KIF13A: variants seen among roughly 807,000 people sequenced by gnomAD.
KIF13A encodes kinesin family member 13A.
In KIF13A, 79 loss-of-function variants were observed where a neutral mutation model predicts 212.2. The ratio of observed to expected loss-of-function variants is 0.37; its 90% CI spans 0.31 to 0.45. The LOEUF (loss-of-function observed/expected upper bound fraction) is 0.45. Ranked by LOEUF, KIF13A falls within the 20% of genes least tolerant of loss-of-function variation. The pLI is 1.00. For synonymous variants in KIF13A, 789 were observed against 808.6 expected, an observed-to-expected ratio of 0.98 and a Z score of 0.41; for missense variants, 1,901 against 2,209.0, an observed-to-expected ratio of 0.86 and a Z score of 2.79.
In KIF13A at chr6:17,971,196, T is replaced by C. The variant is rs1415298827; in HGVS notation, c.146+15858A>G. ...AGAACTCCAATAGCTGATGTACTATTAGACATCGCACACACCAGGGACACC... is the reference window on the plus strand; with the variant it reads ...AGAACTCCAATAGCTGATGTACTATCAGACATCGCACACACCAGGGACACC... On this transcript the variant is annotated intron_variant, in intron 2 of 38. Coordinates refer to ENST00000259711, the MANE Select transcript of KIF13A (RefSeq NM_022113.6). This position sits in a 1 kb window ranked among gnomAD's most constrained non-coding sequence, Gnocchi z 4.2. Among the ~76,000 whole-genome samples the C allele has an allele frequency of 6.6e-6, 1 of 152,148 alleles. No individual in the cohort carries two copies. Among genetic ancestry groups the C allele is most frequent in the Admixed American group, 6.5e-5 (1 of 15,274 alleles).
chr6:17,842,726 T>TA lies in KIF13A; in HGVS notation c.831-5144_831-5143insT, dbSNP rs1235814204. Among the ~76,000 whole-genome samples, 759 of 151,980 alleles carry TA rather than the reference T, an allele frequency of 5.0e-3. 6 individuals are homozygous for TA. Among genetic ancestry groups the TA allele is most frequent in the Middle Eastern group, 0.014 (4 of 294 alleles). On this transcript the variant is annotated intron_variant, in intron 9 of 38. Coordinates refer to ENST00000259711, the MANE Select transcript of KIF13A (RefSeq NM_022113.6). Reference sequence around the variant, plus strand: ...GTCATGTTTTAAGATAGAATTTTTTTTAAAAAAATCTATCAATCATAATGA... The same window carrying TA: ...GTCATGTTTTAAGATAGAATTTTTTTATAAAAAAATCTATCAATCATAATGA...
intron 2 of KIF13A, among the ~76,000 whole-genome samples, 195 bp downstream of exon 2, chr6:17,986,859 G>A (rs1317902710): frequency 2.6e-5 from 4 of 152,184 alleles, no homozygotes; most frequent in East Asian, 3.9e-4. Flanking sequence ...CCTGCCTGCC[G>A]CCGCTCTAGA....
intron 2 of KIF13A, among the ~76,000 whole-genome samples, chr6:17,952,635 T>G (rs953782065): frequency 1.2e-4 from 18 of 151,214 alleles, no homozygotes; most frequent in Non-Finnish European, 2.4e-4. Context: ...GGAGAGACTC[T>G]GTAAGAAAAG....
At chr6:17,842,320 G>C (rs1444517513) in intron 9 of KIF13A, among the ~76,000 whole-genome samples, 1 of 151,826 alleles carries the variant, frequency 6.6e-6, no homozygotes, top group Non-Finnish European at 1.5e-5. Flanking sequence ...CAAAGTGTTG[G>C]GATTACAGGC....
chr6:17,901,570 A>C (rs1325934916), intron 2 of KIF13A, among the ~76,000 whole-genome samples: 3 of 152,232 alleles, frequency 2.0e-5, no homozygotes, highest in African/African-American at 7.2e-5. Flanking sequence ...AAATAAAATA[A>C]CTACTCAAAC....
intron 2 of KIF13A, among the ~76,000 whole-genome samples, chr6:17,954,569 C>T (rs1778181565): frequency 6.6e-6 from 1 of 152,112 alleles, no homozygotes; most frequent in Admixed American, 6.5e-5. Context: ...TATTAATAAC[C>T]TGATTTTACA....
chr6:17,773,529 C>T lies in KIF13A; in HGVS notation c.4273G>A (p.Val1425Ile). Residue 1425 changes from valine (V) to isoleucine (I), a missense_variant, in exon 36 of 39, where the codon GTA becomes ATA. By Grantham distance (29) the Val-to-Ile change is conservative. Around this residue, in one of 5 missense-constraint regions of KIF13A, gnomAD observed 687 missense variants for 759.1 expected, o/e 0.90. Coordinates refer to ENST00000259711, the MANE Select transcript of KIF13A (RefSeq NM_022113.6). The surrounding 1 kb of genome is among the most constrained non-coding windows in gnomAD (Gnocchi z 4.2). ...MSDYSSSYQD[V>I]ACYGTLPRDS... Reference sequence around the variant, plus strand: ...CTGGGTAAAGTTCCATAACATGCTACATCTTGGTAACTGGAGCTATAGTCA... The same window carrying T: ...CTGGGTAAAGTTCCATAACATGCTATATCTTGGTAACTGGAGCTATAGTCA... 4 of 1,612,244 alleles carry T rather than the reference C, an allele frequency of 2.5e-6. No individual in the cohort carries two copies. The highest frequency in any genetic ancestry group is 1.1e-5 in the South Asian group (1 of 90,936).
At chr6:17,922,065 A>C (rs1775120927) in intron 2 of KIF13A, among the ~76,000 whole-genome samples, 1 of 152,156 alleles carries the variant, frequency 6.6e-6, no homozygotes, top group Non-Finnish European at 1.5e-5. Context: ...AACTCACTTC[A>C]AGTCCAATTT....
intron 2 of KIF13A, among the ~76,000 whole-genome samples, chr6:17,975,128 G>C (rs971322885): frequency 1.4e-4 from 21 of 152,150 alleles, no homozygotes; most frequent in African/African-American, 5.1e-4. Flanking sequence ...CAGATCATTT[G>C]AGGTCAGCAG....
At chr6:17,976,368 G>A (rs985739292) in intron 2 of KIF13A, among the ~76,000 whole-genome samples, 1 of 152,224 alleles carries the variant, frequency 6.6e-6, no homozygotes, top group Non-Finnish European at 1.5e-5. Flanking sequence ...GAAATCGAGC[G>A]CAGCGCCGGT....
In KIF13A at chr6:17,819,874, G is replaced by GA. The variant is rs766787648; in HGVS notation, c.1787-2642dup. 4.3e-4 allele frequency among the ~76,000 whole-genome samples: 65 copies of GA among 152,136 alleles called. 1 individual carries two copies. The highest frequency in any genetic ancestry group is 7.2e-4 in the Non-Finnish European group (49 of 68,000). On this transcript the variant is annotated intron_variant, in intron 16 of 38. Transcript: ENST00000259711. ...GTATATAGGCTCTGGGTTTAAAAAA[G>GA]AAAGGACAGGGTGCTACAGTACTTG... is the stretch of plus-strand genomic sequence containing the variant.
Position 17,808,772 on chromosome 6 carries a change from C to G in KIF13A, c.2159G>C (p.Arg720Thr), listed in dbSNP as rs373203654. The G allele has an allele frequency of 2.5e-6, 4 of 1,611,166 alleles. No individual in the cohort carries two copies. In the Admixed American group the frequency reaches 6.7e-5, roughly 27 times the overall value. The change falls in exon 18 of 39, where the codon AGG (arginine) becomes ACG (threonine). Residue 720 changes from arginine (R) to threonine (T), a missense_variant. Transcript: ENST00000259711. ...QIPAANLSAN[R>T]KRGAIVSEPA... ...TCACTTGAAGGACATTCTTACCTTCCTATTGGCACTGAGGTTTGCAGCAGG... is the reference window on the plus strand; with the variant it reads ...TCACTTGAAGGACATTCTTACCTTCGTATTGGCACTGAGGTTTGCAGCAGG...
rs1766174032 is a variant in KIF13A, at chr6:17,838,317, T to C, written c.831-734A>G. 6.9e-6 allele frequency among the ~76,000 whole-genome samples: 1 copy of C among 143,906 alleles called. No homozygotes were observed. The highest frequency in any genetic ancestry group is 2.6e-5 in the African/African-American group (1 of 38,078). 94.4% of individuals were successfully genotyped at this position (143,906 alleles called of 152,430 possible). On this transcript the variant is annotated intron_variant, in intron 9 of 38. Coordinates refer to ENST00000259711, the MANE Select transcript of KIF13A (RefSeq NM_022113.6). The surrounding 1 kb of genome is among the most constrained non-coding windows in gnomAD (Gnocchi z 4.2). ...GCCTGGGCGACAGAGCAAGACTCCA[T>C]CTCAAAAAAAAAAAAAAGTTAAATG...
At chr6:17,938,532 T>G (rs551128403) in intron 2 of KIF13A, among the ~76,000 whole-genome samples, 1 of 152,134 alleles carries the variant, frequency 6.6e-6, no homozygotes, top group East Asian at 1.9e-4. Flanking sequence ...TAACGAAGAA[T>G]TGGGCTTATT....
At chr6:17,797,942 T>C (rs1238775899) in intron 22 of KIF13A, among the ~76,000 whole-genome samples, 2 of 152,012 alleles carry the variant, frequency 1.3e-5, no homozygotes, top group Non-Finnish European at 2.9e-5. Context: ...AGGAAATGAA[T>C]ACTGAACTGA....
At chr6:17,881,037 G>A (rs374324823) in intron 3 of KIF13A, among the ~76,000 whole-genome samples, 53 of 152,168 alleles carry the variant, frequency 3.5e-4, no homozygotes, top group African/African-American at 1.2e-3. Context: ...GCTTTTCAAC[G>A]GAAAAAACAG....
Position 17,764,803 on chromosome 6 carries a change from A to C in KIF13A, c.4725T>G (p.Asp1575Glu). 1 of 1,613,406 alleles carries C rather than the reference A, an allele frequency of 6.2e-7. No individual in the cohort carries two copies. The highest frequency in any genetic ancestry group is 2.2e-5 in the East Asian group (1 of 44,876). Residue 1575 changes from aspartate (D) to glutamate (E), a missense_variant, in exon 39 of 39, where the codon GAT (aspartate) becomes GAG (glutamate). Physicochemically the swap from Asp to Glu is conservative, Grantham distance 45. This residue lies in a region of KIF13A where 687 missense variants were observed against 759.1 expected (regional missense o/e 0.90). Coordinates refer to ENST00000259711, the MANE Select transcript of KIF13A (RefSeq NM_022113.6). This position sits in a 1 kb window ranked among gnomAD's most constrained non-coding sequence, Gnocchi z 5.1. ...TCTCCAAGACCCGTGAGTTTGACAG[A>C]TCTACTTTAGAGGAAAACCATTCCC... Reference protein sequence around the residue: ...ENREWFSSKVDLSNSRVLEKE... With the variant: ...ENREWFSSKVELSNSRVLEKE...
chr6:17,925,311 T>C (rs1775408478), intron 2 of KIF13A, among the ~76,000 whole-genome samples: 1 of 152,166 alleles, frequency 6.6e-6, no homozygotes, highest in African/African-American at 2.4e-5. Flanking sequence ...AGTTTTTCGC[T>C]TGAGCGGGAG....
rs1343535358 is a variant in KIF13A at position 17,971,771 on chromosome 6, G to A, written c.146+15283C>T. Among the ~76,000 whole-genome samples, 5 of 152,042 alleles carry A rather than the reference G, an allele frequency of 3.3e-5. No individual in the cohort carries two copies. The highest frequency in any genetic ancestry group is 2.6e-4 in the Admixed American group (4 of 15,268). ...ACTCGGCATATTTAAAAGAGGCTGG[G>A]AACTCTCTGTTTATCCAAATTTTTA... On this transcript the variant is annotated intron_variant, in intron 2 of 38. Transcript: ENST00000259711. The surrounding 1 kb of genome is among the most constrained non-coding windows in gnomAD (Gnocchi z 4.2).
Sources: allele counts gnomAD v4.1 joint callset (sites outside exome capture counted in the v4.1 genomes callset), GRCh38; gene constraint gnomAD v4.1.1; regional missense constraint gnomAD v4.1.1; non-coding constraint Gnocchi (gnomAD v3.1); transcripts MANE v1.5; gene names NCBI Gene and HGNC (gene_info 2026-07-23, HGNC 2026-07-21).